The following TGIF1 variants were observed in gnomAD, a reference collection of about 807,000 sequenced individuals.
The protein encoded by TGIF1 is homeobox protein TGIF1.
Under a neutral mutation model 19.3 loss-of-function variants are expected in TGIF1, and 4 were observed. The ratio of observed to expected loss-of-function variants is 0.21; its 90% CI spans 0.10 to 0.47. The LOEUF (loss-of-function observed/expected upper bound fraction) is 0.47, where lower values mean the gene tolerates loss of function less well. Among genes scored for constraint, TGIF1 ranks in the 20% least tolerant of loss-of-function variants. The pLI is 0.98. For missense variants in TGIF1, 275 were observed against 341.4 expected (o/e 0.81, Z 1.53); for synonymous variants, 122 against 129.3 (o/e 0.94, Z 0.38).
At chr18:3,416,402 C>G (rs548972153) in intron 1 of TGIF1, among the ~76,000 whole-genome samples, 1 of 152,024 alleles carries the variant, frequency 6.6e-6, no homozygotes, top group African/African-American at 2.4e-5. Context: ...GCCTGTAATC[C>G]CAGCTACAGA....
intron 2 of TGIF1, among the ~76,000 whole-genome samples, chr18:3,438,704 G>T (rs76472796): frequency 0.015 from 2,223 of 151,690 alleles, 55 homozygotes; most frequent in African/African-American, 0.051. Context: ...AATGTTCCTG[G>T]AGATCTCAAA....
chr18:3,418,478 C>A (rs2082360429), intron 2 of TGIF1: 1 of 152,160 alleles, frequency 6.6e-6, no homozygotes, highest in Non-Finnish European at 1.5e-5. Flanking sequence ...CTGTGCATAC[C>A]CACCTGCATA....
At chr18:3,430,421 G>A (rs960625103) in intron 2 of TGIF1, among the ~76,000 whole-genome samples, 5 of 152,036 alleles carry the variant, frequency 3.3e-5, no homozygotes, top group African/African-American at 4.8e-5. Flanking sequence ...TTATATTAAC[G>A]TGTCATGAAT....
intron 1 of TGIF1, among the ~76,000 whole-genome samples, chr18:3,454,258 A>T (rs1241758689): frequency 6.6e-6 from 1 of 152,170 alleles, no homozygotes; most frequent in Non-Finnish European, 1.5e-5. Context: ...CTTCTTGTCA[A>T]ACTAGGCAAG....
chr18:3,424,003 C>T (rs142734649), intron 2 of TGIF1, among the ~76,000 whole-genome samples: 1 of 152,204 alleles, frequency 6.6e-6, no homozygotes, highest in Admixed American at 6.5e-5. Context: ...AAGGGGTCTG[C>T]GTCACCAACA....
chr18:3,441,003 G>A (rs1052401769), intron 2 of TGIF1, among the ~76,000 whole-genome samples: 11 of 152,104 alleles, frequency 7.2e-5, no homozygotes, highest in Non-Finnish European at 1.3e-4. Flanking sequence ...TTCCATGTCA[G>A]TTCAGTCTGA....
chr18:3,435,357 C>T (rs1455019596), intron 2 of TGIF1, among the ~76,000 whole-genome samples: 14 of 151,962 alleles, frequency 9.2e-5, no homozygotes, highest in Admixed American at 6.6e-4. Flanking sequence ...CTGCCACGTC[C>T]GGCTAATTTT....
Position 3,457,140 on chromosome 18 carries a change from C to CA in TGIF1, c.244-219dup. The CA allele has an allele frequency of 4.9e-6, 3 of 615,628 alleles. No homozygotes were observed. Among genetic ancestry groups the CA allele is most frequent in the Admixed American group, 2.9e-5 (1 of 34,042 alleles). 38.1% of individuals were successfully genotyped at this position (615,628 alleles called of 1,614,324 possible). A position where few individuals can be genotyped will look rare whatever the true frequency, so the allele number is the denominator to read the frequency against. On this transcript the variant is annotated intron_variant, in intron 2 of 2. Transcript: ENST00000343820. This position sits in a 1 kb window ranked among gnomAD's most constrained non-coding sequence, Gnocchi z 4.9. ...CTGAAAAGGTTTAAGTATGAAGAGA[C>CA]AAAAAAGGAAATTTGTATTAGAAAC... is the stretch of plus-strand genomic sequence containing the variant.
chr18:3,449,538 T>TTGCCCCCCCC, upstream of TGIF1: 5 of 961,938 alleles, frequency 5.2e-6, no homozygotes, highest in Admixed American at 6.4e-5. Context: ...GTCTCATCAT[T>TTGCCCCCCCC]CCCCCCCGCC....
intron 1 of TGIF1, among the ~76,000 whole-genome samples, chr18:3,450,932 CGCG>C (rs1229926864): frequency 6.6e-6 from 1 of 152,058 alleles, no homozygotes; most frequent in African/African-American, 2.4e-5. Flanking sequence ...GCGGGACCGC[CGCG>C]GCTTTGTCTG....
At chr18:3,415,826 C>T (rs895982990) in intron 1 of TGIF1, among the ~76,000 whole-genome samples, 5 of 152,128 alleles carry the variant, frequency 3.3e-5, no homozygotes, top group Non-Finnish European at 7.3e-5. Flanking sequence ...ATACAACACC[C>T]GGTAGACACT....
intron 1 of TGIF1, chr18:3,452,343 G>A: frequency 6.2e-7 from 1 of 1,613,318 alleles, no homozygotes; most frequent in Middle Eastern, 1.7e-4. Flanking sequence ...GGGCGCACAG[G>A]GTCCAGCTCC....
chr18:3,427,239 C>G (rs1346244551), intron 2 of TGIF1, among the ~76,000 whole-genome samples: 3 of 150,204 alleles, frequency 2.0e-5, no homozygotes, highest in Admixed American at 6.6e-5. Context: ...CCACCGCGCC[C>G]AGCCAATGAT....
chr18:3,446,319 G>A (rs1190441523), upstream of TGIF1, among the ~76,000 whole-genome samples: 1 of 152,126 alleles, frequency 6.6e-6, no homozygotes, highest in East Asian at 1.9e-4. Context: ...AAGTAGCTGG[G>A]ACTACAGTCA....
chr18:3,420,043 G>T lies in TGIF1; in HGVS notation c.-45+1828G>T, dbSNP rs79532176. On this transcript the variant is annotated intron_variant, in intron 2 of 3. Coordinates refer to the TGIF1 transcript ENST00000401449. ...GAAAAAGAAAAAAGGAAAATAACCTGATTTAAACACGGGTTTGTAATCATG... is the reference window on the plus strand; with the variant it reads ...GAAAAAGAAAAAAGGAAAATAACCTTATTTAAACACGGGTTTGTAATCATG... 4.1e-3 allele frequency among the ~76,000 whole-genome samples: 620 copies of T among 151,926 alleles called. 3 individuals carry two copies. Among genetic ancestry groups the T allele is most frequent in the Non-Finnish European group, 7.4e-3 (505 of 67,974 alleles).
intron 2 of TGIF1, among the ~76,000 whole-genome samples, chr18:3,428,299 A>G (rs1045985487): frequency 1.3e-5 from 2 of 152,230 alleles, no homozygotes; most frequent in African/African-American, 4.8e-5. Flanking sequence ...GGAGGTTCAC[A>G]GGAGCACTTC....
intron 2 of TGIF1, among the ~76,000 whole-genome samples, chr18:3,427,947 A>G (rs1200280324): frequency 2.0e-5 from 3 of 152,188 alleles, no homozygotes; most frequent in African/African-American, 7.2e-5. Context: ...AAAACAATCT[A>G]TGGCTGCCGT....
Position 3,451,599 on chromosome 18 carries a change from T to A in TGIF1, c.16+1094T>A. The A allele has an allele frequency of 2.8e-6, 3 of 1,052,758 alleles. No individual in the cohort carries two copies. The highest frequency in any genetic ancestry group is 3.4e-6 in the Non-Finnish European group (3 of 874,438). 65.2% of individuals were successfully genotyped at this position (1,052,758 alleles called of 1,614,324 possible). On this transcript the variant is annotated intron_variant, in intron 1 of 2. Transcript: ENST00000343820. This position sits in a 1 kb window ranked among gnomAD's most constrained non-coding sequence, Gnocchi z 5.4. ...GCCTGGAGTTTGGAACTCCACATTC[T>A]TTCAGACCCGGCCCGCTGCGGGGCG...
chr18:3,424,538 A>C (rs2082444643), intron 2 of TGIF1, among the ~76,000 whole-genome samples: 1 of 142,342 alleles, frequency 7.0e-6, no homozygotes, highest in Admixed American at 7.4e-5. Flanking sequence ...CTGGCAAGCA[A>C]CTTCTAAAAT....
Sources: gnomAD v4.1 joint callset for allele counts (sites outside exome capture counted in the v4.1 genomes callset) on GRCh38, gnomAD v4.1.1 for gene constraint, Gnocchi (gnomAD v3.1) non-coding constraint, MANE v1.5 for transcripts, NCBI Gene and HGNC (gene_info 2026-07-23, HGNC 2026-07-21) for gene names.